The following ESR2 variants were observed in gnomAD, a reference collection of about 807,000 sequenced individuals.
ESR2 encodes estrogen receptor 2, also known as estrogen receptor beta.
A neutral mutation model predicts 49.6 loss-of-function variants in ESR2; 36 were observed. That is an observed-to-expected ratio of 0.73 (90% CI 0.56 to 0.96). The LOEUF is 0.96. Among genes scored for constraint, ESR2 ranks in the 40% least tolerant of loss-of-function variants. The pLI is 0.00. For synonymous variants in ESR2, 320 were observed against 266.1 expected (o/e 1.20, Z -1.97); for missense variants, 714 against 693.0 (o/e 1.03, Z -0.34).
intron 1 of ESR2, among the ~76,000 whole-genome samples, chr14:64,310,286 A>AAAAAAAAAAAAAAAAAAAATAAT (rs1555595498): frequency 7.0e-6 from 1 of 142,466 alleles, no homozygotes; most frequent in African/African-American, 2.6e-5. Context: ...TCGTCTCAAA[A>AAAAAAAAAAAAAAAAAAAATAAT]AATAATAATA....
chr14:64,261,239 CT>C (rs58982771), intron 4 of ESR2, among the ~76,000 whole-genome samples: 3 of 127,102 alleles, frequency 2.4e-5, no homozygotes, highest in Non-Finnish European at 4.7e-5. Context: ...TTTCTTTTTT[CT>C]TTTTTTTTTT....
chr14:64,259,624 A>T (rs932851863), intron 5 of ESR2, among the ~76,000 whole-genome samples: 1 of 152,216 alleles, frequency 6.6e-6, no homozygotes, highest in Non-Finnish European at 1.5e-5. Flanking sequence ...GAGAGAAGTG[A>T]TCACTTTGGA....
intron 1 of ESR2, among the ~76,000 whole-genome samples, chr14:64,285,189 C>T (rs1399526990): frequency 2.0e-5 from 3 of 152,124 alleles, no homozygotes; most frequent in African/African-American, 4.8e-5. Flanking sequence ...TAACAGGCTT[C>T]TTACTGCTCC....
At chr14:64,310,286 A>AAATAATAATAATAATAATAATAATAAT (rs140862502) in intron 1 of ESR2, among the ~76,000 whole-genome samples, 11 of 142,462 alleles carry the variant, frequency 7.7e-5, no homozygotes, top group African/African-American at 2.4e-4. Flanking sequence ...TCGTCTCAAA[A>AAATAATAATAATAATAATAATAATAAT]AATAATAATA....
At chr14:64,336,659 G>C (rs1339449727) in intron 1 of ESR2, 1 of 152,224 alleles carries the variant, frequency 6.6e-6, no homozygotes, top group Admixed American at 6.5e-5. Flanking sequence ...ACCTAAACCT[G>C]TTCCTTTGGT....
intron 2 of ESR2, among the ~76,000 whole-genome samples, chr14:64,281,501 C>G (rs957333049): frequency 6.6e-6 from 1 of 151,382 alleles, no homozygotes. Context: ...TGTTTATATT[C>G]TCTTTACCAA....
chr14:64,262,664 G>A (rs1005275959), intron 4 of ESR2, among the ~76,000 whole-genome samples: 3 of 151,980 alleles, frequency 2.0e-5, no homozygotes, highest in Non-Finnish European at 4.4e-5. Context: ...AGGTGGTTTC[G>A]GCGGGTGGGG....
intron 1 of ESR2, among the ~76,000 whole-genome samples, chr14:64,305,059 G>A (rs1446995441): frequency 6.6e-6 from 1 of 152,132 alleles, no homozygotes; most frequent in African/African-American, 2.4e-5. Flanking sequence ...GGGAGGCTGA[G>A]GTGGGTGGAT....
chr14:64,276,817 T>C (rs926187381), intron 3 of ESR2, among the ~76,000 whole-genome samples: 5 of 152,206 alleles, frequency 3.3e-5, no homozygotes, highest in South Asian at 2.1e-4. Context: ...TATACGACAA[T>C]ATTAAGTGAA....
upstream of ESR2, chr14:64,338,232 A>G (rs1203507288): frequency 6.4e-6 from 1 of 155,460 alleles, no homozygotes; most frequent in African/African-American, 2.4e-5. Flanking sequence ...GGTGACCCCA[A>G]CACAGAGGGG....
At chr14:64,241,028 C>A (rs1470064542) in intron 7 of ESR2, among the ~76,000 whole-genome samples, 2 of 151,428 alleles carry the variant, frequency 1.3e-5, no homozygotes, top group African/African-American at 4.9e-5. Context: ...CGCCTGTAGT[C>A]CCAGCTACTG....
chr14:64,233,585 G>A (rs763117846), intron 8 of ESR2: 6 of 434,134 alleles, frequency 1.4e-5, no homozygotes, highest in Non-Finnish European at 2.5e-5. Flanking sequence ...CTCATTGTTT[G>A]CGGTAATTAT....
chr14:64,244,793 T>C (rs1337637489), intron 7 of ESR2, among the ~76,000 whole-genome samples: 1 of 152,218 alleles, frequency 6.6e-6, no homozygotes, highest in Non-Finnish European at 1.5e-5. Context: ...GTTTTCATAA[T>C]AAATCCCCTC....
Position 64,230,099 on chromosome 14 carries a change from T to C in ESR2, c.*3038A>G, listed in dbSNP as rs944458. On this transcript the variant is annotated 3_prime_UTR_variant, in exon 9 of 9. Transcript: ENST00000341099. ...GGGAATGGGGTGGGATGGGGCACTGTGGTGGGAGGATCGCTTGAGCCCAGG... is the reference window on the plus strand; with the variant it reads ...GGGAATGGGGTGGGATGGGGCACTGCGGTGGGAGGATCGCTTGAGCCCAGG... Among the ~76,000 whole-genome samples the C allele has an allele frequency of 0.26, 38,521 of 150,302 alleles. 7,766 individuals are homozygous for C. The highest frequency in any genetic ancestry group is 0.56 in the East Asian group (2,818 of 5,060).
chr14:64,282,499 TG>T, intron 2 of ESR2, 124 bp downstream of exon 2: 1 of 1,050,278 alleles, frequency 9.5e-7, no homozygotes. Flanking sequence ...TTTTGGGTGC[TG>T]TAAGTAAACT....
intron 1 of ESR2, among the ~76,000 whole-genome samples, chr14:64,334,049 A>G (rs1327217990): frequency 6.6e-6 from 1 of 152,164 alleles, no homozygotes; most frequent in African/African-American, 2.4e-5. Flanking sequence ...GGAATACCGT[A>G]TTTTATTCTG....
chr14:64,268,992 C>A, intron 3 of ESR2, 81 bp from the exon 4 acceptor site: 1 of 823,094 alleles, frequency 1.2e-6, no homozygotes. Flanking sequence ...ACACTGATAA[C>A]ACTTTCCAGC....
intron 1 of ESR2, among the ~76,000 whole-genome samples, chr14:64,332,902 C>T (rs569738905): frequency 1.3e-4 from 19 of 142,556 alleles, no homozygotes; most frequent in South Asian, 1.1e-3. Flanking sequence ...GACAGAGTCT[C>T]GCTCTGTCGC....
intron 6 of ESR2, among the ~76,000 whole-genome samples, chr14:64,253,732 A>T (rs1002731140): frequency 6.6e-6 from 1 of 152,046 alleles, no homozygotes; most frequent in African/African-American, 2.4e-5. Flanking sequence ...GGGAATTGAA[A>T]ATTCGGTGGT....
Sources: gnomAD v4.1 joint callset for allele counts (sites outside exome capture counted in the v4.1 genomes callset) on GRCh38, gnomAD v4.1.1 for gene constraint, MANE v1.5 for transcripts, NCBI Gene and HGNC (gene_info 2026-07-23, HGNC 2026-07-21) for gene names.